Variants in HPS5 observed in about 807,000 individuals in gnomAD.
HPS5 encodes HPS5 biogenesis of lysosomal organelles complex 2 subunit 2.
In HPS5, 83 loss-of-function variants were observed where a neutral mutation model predicts 128.0. That is an observed-to-expected ratio of 0.65 (90% CI 0.54 to 0.78). The LOEUF is 0.78. Ranked by LOEUF, HPS5 falls within the 30% of genes least tolerant of loss-of-function variation. The pLI is 0.00. For missense variants in HPS5, 1,281 were observed against 1,326.2 expected, an observed-to-expected ratio of 0.97 and a Z score of 0.53; for synonymous variants, 475 against 470.2, an observed-to-expected ratio of 1.01 and a Z score of -0.13.
intron 16 of HPS5, among the ~76,000 whole-genome samples, chr11:18,288,328 G>A (rs1859994023): frequency 6.6e-6 from 1 of 152,144 alleles, no homozygotes; most frequent in African/African-American, 2.4e-5. Flanking sequence ...TATAGCAACT[G>A]TCCATATAAG....
At chr11:18,292,486 G>A (rs1373966733) in intron 15 of HPS5, among the ~76,000 whole-genome samples, 9 of 152,170 alleles carry the variant, frequency 5.9e-5, no homozygotes, top group Admixed American at 2.0e-4. Context: ...GAGCCACCAC[G>A]CCCAGCCTAC....
intron 1 of HPS5, among the ~76,000 whole-genome samples, chr11:18,320,947 G>A (rs1003301797): frequency 1.3e-5 from 2 of 152,194 alleles, no homozygotes; most frequent in African/African-American, 2.4e-5. Flanking sequence ...TTAGCCAGTA[G>A]CTACATACAG....
At chr11:18,300,783 T>A (rs904022820) in intron 9 of HPS5, 45 bp downstream of exon 9, 2 of 1,001,186 alleles carry the variant, frequency 2.0e-6, no homozygotes, top group Non-Finnish European at 3.1e-6. Flanking sequence ...ATAATCAAAT[T>A]TTCATAAGCA....
In HPS5 at chr11:18,298,824, A is replaced by C. The variant is rs1382808325; in HGVS notation, c.1132T>G (p.Cys378Gly). Residue 378 changes from cysteine (C) to glycine (G), a missense_variant, in exon 10 of 23, where the codon TGT (cysteine) becomes GGT (glycine). By Grantham distance (159) the Cys-to-Gly change is radical (BLOSUM62 -3). Coordinates refer to ENST00000349215, the MANE Select transcript of HPS5 (RefSeq NM_181507.2). ...GLWNLAARTC[C>G]LFQNSVIASR... is the part of the protein sequence containing the mutation. ...GCAATGACAGAATTTTGGAAAAGACAGCATGTACGAGCAGCCAAGTTCCAT... is the reference window on the plus strand; with the variant it reads ...GCAATGACAGAATTTTGGAAAAGACCGCATGTACGAGCAGCCAAGTTCCAT... The C allele has an allele frequency of 1.2e-6, 2 of 1,614,100 alleles. No homozygotes were observed. Among genetic ancestry groups the C allele is most frequent in the Non-Finnish European group, 1.7e-6 (2 of 1,180,042 alleles).
At chr11:18,303,771 T>C (rs751991759) in intron 8 of HPS5, among the ~76,000 whole-genome samples, 5 of 150,792 alleles carry the variant, frequency 3.3e-5, no homozygotes, top group Non-Finnish European at 7.4e-5. Context: ...GGAGAATTGC[T>C]AGAACCTGGG....
intron 4 of HPS5, 60 bp downstream of exon 4, chr11:18,311,327 A>G (rs1590134125): frequency 4.2e-6 from 5 of 1,199,962 alleles, no homozygotes; most frequent in Non-Finnish European, 5.0e-6. Context: ...CCTAACAAAC[A>G]CATGTGTCAA....
At chr11:18,296,693 T>C (rs1204916954) in intron 12 of HPS5, 105 bp downstream of exon 12, 1 of 1,036,368 alleles carries the variant, frequency 9.6e-7, no homozygotes, top group Admixed American at 1.7e-5. Context: ...TGTTAAAAAT[T>C]ATTAACACTT....
At position 18,291,504 on chromosome 11, in the gene HPS5, C is replaced by G. The variant is rs749722278; in HGVS notation, c.2378G>C (p.Ser793Thr). The part of the protein sequence containing the change: ...FLLNLKRAKE[S>T]IKLSYSNSPS... ...GCTATTACTGTAACTAAGCTTGATA[C>G]TCTCCTTCGCTCTTTTCAAGTTCAG... The change falls in exon 16 of 23, where the codon AGT becomes ACT. Residue 793 changes from serine to threonine, a missense_variant. Physicochemically the swap from Ser to Thr is moderately conservative, Grantham distance 58 (BLOSUM62 1). Transcript: ENST00000349215. 1 of 1,610,536 alleles carries G rather than the reference C, an allele frequency of 6.2e-7. No individual in the cohort carries two copies. The highest frequency in any genetic ancestry group is 8.5e-7 in the Non-Finnish European group (1 of 1,178,814).
chr11:18,286,654 A>G lies in HPS5; in HGVS notation c.2774T>C (p.Leu925Pro). 6.2e-7 allele frequency: 1 copy of G among 1,614,218 alleles called. No individual in the cohort carries two copies. Among genetic ancestry groups the G allele is most frequent in the Non-Finnish European group, 8.5e-7 (1 of 1,180,028 alleles). The change falls in exon 19 of 23, where the codon CTT becomes CCT. Residue 925 changes from leucine (L) to proline (P), a missense_variant. Transcript: ENST00000349215. ...QPESLRLDWL[L>P]LAVSLDAPPS... ...TGGAGCATCAAGGGACACTGCCAAA[A>G]GCAGCCAATCCAACCTTAAAGACTC...
At chr11:18,305,647 G>A (rs1016914365) in intron 7 of HPS5, among the ~76,000 whole-genome samples, 154 bp from the exon 8 acceptor site, 2 of 151,998 alleles carry the variant, frequency 1.3e-5, no homozygotes, top group Admixed American at 6.5e-5. Flanking sequence ...CATAGGAGAG[G>A]TAATTATCAA....
Position 18,306,456 on chromosome 11 carries a change from C to T in HPS5, c.612-109G>A, listed in dbSNP as rs377360852. On this transcript the variant is annotated intron_variant, in intron 6 of 22. Coordinates refer to ENST00000349215, the MANE Select transcript of HPS5 (RefSeq NM_181507.2). Reference sequence around the variant, plus strand: ...ATAACTCCACTCACAATGCCTTCTCCTTCATTCATATTAGCAATATACTGA... The same window carrying T: ...ATAACTCCACTCACAATGCCTTCTCTTTCATTCATATTAGCAATATACTGA... 7.1e-5 allele frequency: 50 copies of T among 705,040 alleles called. No homozygotes were observed. In the African/African-American group the frequency reaches 7.9e-4, roughly 11 times the overall value. The allele number at this position is 705,040 out of a possible 1,614,324, so 43.7% of individuals were successfully genotyped here.
Position 18,286,668 on chromosome 11 carries a change from C to A in HPS5, c.2760G>T (p.Arg920Ser), listed in dbSNP as rs751418209. The A allele has an allele frequency of 3.7e-6, 6 of 1,613,924 alleles. No homozygotes were observed. Among genetic ancestry groups the A allele is most frequent in the African/African-American group, 2.7e-5 (2 of 74,878 alleles). ...ACACTGCCAAAAGCAGCCAATCCAA[C>A]CTTAAAGACTCTGGTTGCAGAAGGG... Reference protein sequence around the residue: ...LESLLQPESLRLDWLLLAVSL... With the variant: ...LESLLQPESLSLDWLLLAVSL... Residue 920 changes from arginine (R) to serine (S), a missense_variant, in exon 19 of 23, where the codon AGG becomes AGT. Transcript: ENST00000349215.
chr11:18,296,730 C>A (rs1861111605), intron 12 of HPS5, 68 bp downstream of exon 12: 1 of 1,381,430 alleles, frequency 7.2e-7, no homozygotes, highest in East Asian at 2.3e-5. Flanking sequence ...ACAAGATAAT[C>A]CTGGTAACAG....
chr11:18,309,095 G>A lies in HPS5; in HGVS notation c.478-16C>T, dbSNP rs760744886. On this transcript the variant is annotated splice_polypyrimidine_tract_variant and intron_variant, in intron 5 of 22. Coordinates refer to ENST00000349215, the MANE Select transcript of HPS5 (RefSeq NM_181507.2). Reference sequence around the variant, plus strand: ...CAGCAGCTGCCTAAAAGGAATGTGAGAAAGAAATAAAGTTTATTTAATCAT... The same window carrying A: ...CAGCAGCTGCCTAAAAGGAATGTGAAAAAGAAATAAAGTTTATTTAATCAT... The A allele has an allele frequency of 2.5e-6, 4 of 1,612,062 alleles. No individual in the cohort carries two copies. The highest frequency in any genetic ancestry group is 1.1e-5 in the South Asian group (1 of 91,012).
At position 18,283,848 on chromosome 11, in the gene HPS5, G is replaced by A. The variant is rs767601081; in HGVS notation, c.3005C>T (p.Ala1002Val). The A allele has an allele frequency of 6.2e-7, 1 of 1,613,148 alleles. No individual in the cohort carries two copies. Among genetic ancestry groups the A allele is most frequent in the Non-Finnish European group, 8.5e-7 (1 of 1,179,570 alleles). The change falls in exon 21 of 23, where the codon GCC becomes GTC. Residue 1002 changes from alanine (A) to valine (V), a missense_variant. By Grantham distance (64) the Ala-to-Val change is moderately conservative. Coordinates refer to ENST00000349215, the MANE Select transcript of HPS5 (RefSeq NM_181507.2). ...ATTCAGATACACAATATTGGTGAAG[G>A]CCTCTCTTCTTCTCTCCAGCTCCAA... is the stretch of plus-strand genomic sequence containing the variant. ...LCLELERRRE[A>V]FTNIVYLNDM...
At position 18,311,653 on chromosome 11, in the gene HPS5, G is replaced by A. The variant is rs1036762998; in HGVS notation, c.220-202C>T. 5 of 553,500 alleles carry A rather than the reference G, an allele frequency of 9.0e-6. No individual in the cohort carries two copies. The African/African-American group carries it at 9.5e-5, about 11-fold the overall frequency. The allele number at this position is 553,500 out of a possible 1,614,324, so 34.3% of individuals were successfully genotyped here. On this transcript the variant is annotated intron_variant, in intron 3 of 22. Coordinates refer to ENST00000349215, the MANE Select transcript of HPS5 (RefSeq NM_181507.2). ...CGCCTCCCAAGTAGCTGGGATTACA[G>A]GCACTCACCACCACGCCCAGCTAAT...
At chr11:18,298,367 C>T (rs965192866) in intron 10 of HPS5, among the ~76,000 whole-genome samples, 30 of 152,054 alleles carry the variant, frequency 2.0e-4, no homozygotes, top group African/African-American at 2.9e-4. Context: ...TGGTGGCGAG[C>T]GCCTGTAGTC....
intron 8 of HPS5, among the ~76,000 whole-genome samples, chr11:18,303,966 T>A (rs777419879): frequency 6.6e-6 from 1 of 151,450 alleles, no homozygotes. Flanking sequence ...AGGCCAAGCA[T>A]TGAAAAAATA....
chr11:18,295,992 G>A lies in HPS5; in HGVS notation c.1634+7C>T, dbSNP rs766313946. 5.6e-6 allele frequency: 9 copies of A among 1,612,148 alleles called. No individual in the cohort carries two copies. The highest frequency in any genetic ancestry group is 5.3e-5 in the African/African-American group (4 of 74,880). On this transcript the variant is annotated splice_region_variant and intron_variant, in intron 13 of 22. Coordinates refer to ENST00000349215, the MANE Select transcript of HPS5 (RefSeq NM_181507.2). ...ATGGAATTAAATGACAAGACTAATT[G>A]GTTTACCTTTCTTTGACAGCCTGAA... is the stretch of plus-strand genomic sequence containing the variant.
Sources: allele counts gnomAD v4.1 joint callset (sites outside exome capture counted in the v4.1 genomes callset), GRCh38; gene constraint gnomAD v4.1.1; transcripts MANE v1.5; gene names NCBI Gene and HGNC (gene_info 2026-07-23, HGNC 2026-07-21).